The following SLC37A3 variants were observed in gnomAD, a reference collection of about 807,000 sequenced individuals.
The protein encoded by SLC37A3 is solute carrier family 37 member 3, also known as sugar phosphate exchanger 3.
A neutral mutation model predicts 67.1 loss-of-function variants in SLC37A3; 51 were observed. The observed-to-expected ratio is 0.76, with a 90% CI of 0.61 to 0.96. The LOEUF (loss-of-function observed/expected upper bound fraction) is 0.96, where lower values mean the gene tolerates loss of function less well. SLC37A3 is among the 40% of genes least tolerant of loss of function. The pLI is 0.00. For synonymous variants in SLC37A3, 214 were observed against 231.4 expected (o/e 0.92, Z 0.68); for missense variants, 508 against 603.0 (o/e 0.84, Z 1.65).
At chr7:140,376,445 A>T (rs1798034981) in intron 3 of SLC37A3, among the ~76,000 whole-genome samples, 1 of 152,216 alleles carries the variant, frequency 6.6e-6, no homozygotes, top group African/African-American at 2.4e-5. Flanking sequence ...CGTACGTTTG[A>T]TGTGAACTTA....
chr7:140,374,243 C>A (rs1284133190), intron 3 of SLC37A3, among the ~76,000 whole-genome samples: 3 of 152,094 alleles, frequency 2.0e-5, no homozygotes, highest in Non-Finnish European at 4.4e-5. Context: ...CGCCTACAAT[C>A]CCAAGCACTT....
chr7:140,362,991 G>A (rs1423061967), intron 5 of SLC37A3, among the ~76,000 whole-genome samples: 3 of 92,758 alleles, frequency 3.2e-5, no homozygotes, highest in African/African-American at 1.2e-4. Flanking sequence ...GGGAGGTGAG[G>A]GGCGCCTCTG....
At chr7:140,398,093 T>C (rs1343572671) in intron 1 of SLC37A3, among the ~76,000 whole-genome samples, 1 of 152,110 alleles carries the variant, frequency 6.6e-6, no homozygotes, top group Admixed American at 6.5e-5. Context: ...CAAGTCAGAA[T>C]CTCCCAGACC....
intron 1 of SLC37A3, among the ~76,000 whole-genome samples, chr7:140,393,798 C>T (rs1261614662): frequency 6.6e-6 from 1 of 152,114 alleles, no homozygotes; most frequent in Non-Finnish European, 1.5e-5. Context: ...CTGTAAGCTC[C>T]ATAAAAGCAG....
chr7:140,340,500 A>G lies in SLC37A3; in HGVS notation c.1326+2912T>C, dbSNP rs77671872. 8.9e-3 allele frequency among the ~76,000 whole-genome samples: 1,348 copies of G among 152,306 alleles called. 20 individuals carry two copies. The highest frequency in any genetic ancestry group is 0.03 in the African/African-American group (1,250 of 41,550). On this transcript the variant is annotated intron_variant, in intron 13 of 14. Transcript: ENST00000326232. ...TTATTACTGAAATGTACAAGTGAAAAAAATTAATGCAGAACGACTATGTGA... is the reference window on the plus strand; with the variant it reads ...TTATTACTGAAATGTACAAGTGAAAGAAATTAATGCAGAACGACTATGTGA...
In SLC37A3 at chr7:140,364,449, G is replaced by A. The variant is rs751628034; in HGVS notation, c.334C>T (p.Arg112Ter). Residue 112 changes from arginine (R) to a stop codon, truncating the protein, a stop_gained, in exon 5 of 15, where the codon CGA becomes TGA. Coordinates refer to ENST00000326232, the MANE Select transcript of SLC37A3 (RefSeq NM_207113.3). LOFTEE classifies it high-confidence loss of function. The stretch of plus-strand genomic sequence containing the variant: ...CACATGCCAAAAGACAGAACCCATC[G>A]CAAATTCAACCGATCCCCAACGATG... ...SGIVGDRLNL[R>*]WVLSFGMCSS... The A allele has an allele frequency of 1.2e-5, 20 of 1,613,770 alleles. No individual in the cohort carries two copies. Among genetic ancestry groups the A allele is most frequent in the Admixed American group, 1.7e-5 (1 of 59,970 alleles).
intron 4 of SLC37A3, among the ~76,000 whole-genome samples, chr7:140,368,624 A>T (rs1200892593): frequency 6.6e-6 from 1 of 152,124 alleles, no homozygotes; most frequent in East Asian, 1.9e-4. Context: ...CTCCAAAAAC[A>T]TGTATCTTCA....
At chr7:140,345,807 A>T in intron 11 of SLC37A3, 62 bp downstream of exon 11, 1 of 1,334,290 alleles carries the variant, frequency 7.5e-7, no homozygotes, top group Non-Finnish European at 1.1e-6. Flanking sequence ...ACTCCAAACA[A>T]ATGCCTTATT....
In SLC37A3 at chr7:140,380,225, T is replaced by C. The variant is rs550950766; in HGVS notation, c.198+57A>G. Reference sequence around the variant, plus strand: ...GATGCAAAAAAGAGCTTAAGAACAATCTAGGGGTGGGCACGGTCTCCTACT... The same window carrying C: ...GATGCAAAAAAGAGCTTAAGAACAACCTAGGGGTGGGCACGGTCTCCTACT... On this transcript the variant is annotated intron_variant, in intron 3 of 14. Transcript: ENST00000326232. The C allele has an allele frequency of 1.2e-4, 130 of 1,057,082 alleles. No individual in the cohort carries two copies. The African/African-American group carries it at 1.9e-3, about 16-fold the overall frequency. 65.5% of individuals were successfully genotyped at this position (1,057,082 alleles called of 1,614,324 possible). A position where few individuals can be genotyped will look rare whatever the true frequency, so the allele number is the denominator to read the frequency against.
rs773936904 is a variant in SLC37A3 at position 140,348,662 on chromosome 7, T to A, written c.988A>T (p.Lys330Ter). 3 of 1,614,112 alleles carry A rather than the reference T, an allele frequency of 1.9e-6. No homozygotes were observed. Among genetic ancestry groups the A allele is most frequent in the Non-Finnish European group, 2.5e-6 (3 of 1,180,016 alleles). ...NFGWKEAEADKLSIWYDVGGI... is the reference protein window; with the variant it reads ...NFGWKEAEAD The stretch of plus-strand genomic sequence containing the variant: ...CCAACGTCGTACCAAATGGACAGCT[T>A]GTCGGCTTCCGCCTCCTTCCAGCCG... The change falls in exon 10 of 15, where the codon AAG (lysine) becomes TAG (stop). Residue 330 changes from lysine (K) to a stop codon, truncating the protein, a stop_gained. Coordinates refer to ENST00000326232, the MANE Select transcript of SLC37A3 (RefSeq NM_207113.3). LOFTEE classifies it high-confidence loss of function.
intron 1 of SLC37A3, among the ~76,000 whole-genome samples, chr7:140,389,484 C>T (rs776170496): frequency 6.6e-6 from 1 of 152,108 alleles, no homozygotes; most frequent in Non-Finnish European, 1.5e-5. Flanking sequence ...AGCCCCTACC[C>T]GCCAAATTAT....
intron 1 of SLC37A3, among the ~76,000 whole-genome samples, chr7:140,394,285 T>C (rs1042769320): frequency 1.3e-5 from 2 of 152,088 alleles, no homozygotes; most frequent in African/African-American, 4.8e-5. Flanking sequence ...CTGCATTTAG[T>C]TCTCTCAATG....
chr7:140,378,823 C>G (rs1377108151), intron 3 of SLC37A3, among the ~76,000 whole-genome samples: 2 of 151,974 alleles, frequency 1.3e-5, no homozygotes, highest in African/African-American at 2.4e-5. Flanking sequence ...CCGAAGCAGG[C>G]AGATCACTTG....
At position 140,334,423 on chromosome 7, in the gene SLC37A3, A is replaced by G. The variant is rs1796055259; in HGVS notation, c.*989T>C. On this transcript the variant is annotated 3_prime_UTR_variant, in exon 15 of 15. Coordinates refer to ENST00000326232, the MANE Select transcript of SLC37A3 (RefSeq NM_207113.3). ...AAGTCAAAGAGCATCTGTACTTGAC[A>G]CTTACTAGAAGAAAAGGTCTTTCCC... 2.0e-5 allele frequency: 3 copies of G among 152,530 alleles called. No individual in the cohort carries two copies. In the South Asian group the frequency reaches 6.2e-4, roughly 32 times the overall value. The allele number at this position is 152,530 out of a possible 1,614,324, so 9.4% of individuals were successfully genotyped here.
rs191723626 is a variant in SLC37A3, at chr7:140,341,193, G to A, written c.1326+2219C>T. Among the ~76,000 whole-genome samples the A allele has an allele frequency of 1.2e-3, 186 of 152,218 alleles. 2 individuals carry two copies. The highest frequency in any genetic ancestry group is 4.0e-3 in the African/African-American group (168 of 41,544). On this transcript the variant is annotated intron_variant, in intron 13 of 14. Coordinates refer to ENST00000326232, the MANE Select transcript of SLC37A3 (RefSeq NM_207113.3). ...AGTAATTCTCCTGCCTTGGCCTCCC[G>A]AAGTGCTGGGATTACTGGCATGAGC...
intron 13 of SLC37A3, among the ~76,000 whole-genome samples, chr7:140,341,010 A>T (rs1796341829): frequency 6.6e-6 from 1 of 151,660 alleles, no homozygotes; most frequent in Non-Finnish European, 1.5e-5. Context: ...ATCATGGCTC[A>T]CTGCAGCCTT....
At chr7:140,384,161 T>C (rs1798359911) in intron 1 of SLC37A3, among the ~76,000 whole-genome samples, 1 of 152,196 alleles carries the variant, frequency 6.6e-6, no homozygotes, top group African/African-American at 2.4e-5. Flanking sequence ...AATGGCTGAA[T>C]CATTTATAAT....
chr7:140,369,152 G>T (rs961242384), intron 4 of SLC37A3, among the ~76,000 whole-genome samples: 6 of 152,104 alleles, frequency 3.9e-5, no homozygotes, highest in African/African-American at 1.4e-4. Flanking sequence ...CACCTGCTCA[G>T]GTCTTCACTC....
intron 5 of SLC37A3, among the ~76,000 whole-genome samples, chr7:140,364,080 G>A (rs749368468): frequency 5.3e-5 from 8 of 152,196 alleles, no homozygotes; most frequent in Admixed American, 2.0e-4. Context: ...GTGAAACCCC[G>A]TCTCTACCAA....
Sources: allele counts gnomAD v4.1 joint callset (sites outside exome capture counted in the v4.1 genomes callset), GRCh38; gene constraint gnomAD v4.1.1; transcripts MANE v1.5; gene names NCBI Gene and HGNC (gene_info 2026-07-23, HGNC 2026-07-21).